The following TMEM209 variants were observed in gnomAD, a reference collection of about 807,000 sequenced individuals.
The protein encoded by TMEM209 is testicular tissue protein Li 202.
TMEM209 carries 65 observed loss-of-function variants against 76.2 expected under a neutral mutation model. The ratio of observed to expected loss-of-function variants is 0.85; its 90% confidence interval spans 0.70 to 1.05. The LOEUF is 1.05. Ranked by LOEUF, TMEM209 falls within the 50% of genes least tolerant of loss-of-function variation. TMEM209 has a pLI of 0.00. For synonymous variants in TMEM209, 239 were observed against 237.6 expected, an observed-to-expected ratio of 1.01 and a Z score of -0.06; for missense variants, 623 against 685.5, an observed-to-expected ratio of 0.91 and a Z score of 1.02.
intron 1 of TMEM209, chr7:130,205,117 TC>T (rs1798396984): frequency 2.1e-6 from 3 of 1,423,904 alleles, no homozygotes; most frequent in Non-Finnish European, 2.7e-6. Flanking sequence ...AGCAGTCGTA[TC>T]CCACAGAGGA....
Position 130,202,140 on chromosome 7 carries a change from T to C in TMEM209, c.332-49A>G, listed in dbSNP as rs796494677. ...TATGTGTATGTACCTTCAAATAAAA[T>C]TATACGAAAATATATTTAAGCAACT... On this transcript the variant is annotated intron_variant, in intron 4 of 14. Transcript: ENST00000397622. 19 of 1,544,974 alleles carry C rather than the reference T, an allele frequency of 1.2e-5. No individual in the cohort carries two copies. In the African/African-American group the frequency reaches 2.1e-4, roughly 17 times the overall value.
At chr7:130,186,081 T>C (rs970302087) in intron 6 of TMEM209, among the ~76,000 whole-genome samples, 1 of 152,178 alleles carries the variant, frequency 6.6e-6, no homozygotes, top group East Asian at 1.9e-4. Context: ...GCATCTAGCA[T>C]AGCGCCTGAA....
intron 9 of TMEM209, among the ~76,000 whole-genome samples, chr7:130,180,649 G>A (rs1273171546): frequency 1.3e-5 from 2 of 152,150 alleles, no homozygotes; most frequent in African/African-American, 4.8e-5. Flanking sequence ...GATTATAGGC[G>A]TGAGCCACCG....
Position 130,173,671 on chromosome 7 carries a change from A to C in TMEM209, c.1518T>G (p.Tyr506Ter), listed in dbSNP as rs1240784098. The change falls in exon 13 of 15, where the codon TAT becomes TAG. Residue 506 changes from tyrosine (Y) to a stop codon, truncating the protein, a stop_gained. Transcript: ENST00000397622. LOFTEE classifies it high-confidence loss of function. The part of the protein sequence containing the change: ...IYQSAINPPH[Y>*]ELIYQRHVYN... ...ATACATGACGCTGGTAGATGAGCTC[A>C]TAATGGGGAGGGTTGATAGCACTCT... 1 of 1,613,798 alleles carries C rather than the reference A, an allele frequency of 6.2e-7. No homozygotes were observed. The highest frequency in any genetic ancestry group is 8.5e-7 in the Non-Finnish European group (1 of 1,179,856).
At chr7:130,189,374 A>C (rs1029013258) in intron 6 of TMEM209, among the ~76,000 whole-genome samples, 6 of 152,050 alleles carry the variant, frequency 3.9e-5, no homozygotes, top group South Asian at 4.2e-4. Flanking sequence ...TTTTTAGTAG[A>C]GGTGGGGTTT....
chr7:130,189,330 G>A (rs1382334215), intron 6 of TMEM209, among the ~76,000 whole-genome samples: 2 of 152,096 alleles, frequency 1.3e-5, no homozygotes, highest in Non-Finnish European at 2.9e-5. Context: ...CAGAGTGGCT[G>A]GGATACAGGC....
chr7:130,181,711 A>G lies in TMEM209; in HGVS notation c.1032T>C (p.Asn344=), dbSNP rs189486222. 19,058 of 1,607,092 alleles carry G rather than the reference A, an allele frequency of 0.012. 162 individuals carry two copies. Among genetic ancestry groups the G allele is most frequent in the South Asian group, 0.022 (1,961 of 89,334 alleles). Residue 344 remains asparagine, a synonymous_variant, in exon 9 of 15, where the codon AAT becomes AAC. Coordinates refer to ENST00000397622, the MANE Select transcript of TMEM209 (RefSeq NM_032842.4). ...SWTAKFRNWI[N]ETILVPLVQE... The stretch of plus-strand genomic sequence containing the variant: ...GAACAAGTGGCACTAATATTGTCTC[A>G]TTGATCCACTAGAAGAAATAAGGTA...
chr7:130,175,661 AG>A (rs1797211551), intron 10 of TMEM209, 52 bp from the exon 11 acceptor site: 1 of 1,410,838 alleles, frequency 7.1e-7, no homozygotes, highest in African/African-American at 1.4e-5. Flanking sequence ...AAAAAAGAAA[AG>A]AAAAAAAAAG....
At chr7:130,170,363 A>T (rs754756706) in intron 14 of TMEM209, 37 bp downstream of exon 14, 38 of 1,539,268 alleles carry the variant, frequency 2.5e-5, no homozygotes, top group Non-Finnish European at 3.1e-5. Context: ...GAAAATCAGT[A>T]AATAACTACT....
Position 130,177,646 on chromosome 7 carries a change from C to T in TMEM209, c.1246+756G>A, listed in dbSNP as rs931694409. Among the ~76,000 whole-genome samples, 15 of 152,122 alleles carry T rather than the reference C, an allele frequency of 9.9e-5. No homozygotes were observed. The East Asian group carries it at 1.7e-3, about 18-fold the overall frequency. The stretch of plus-strand genomic sequence containing the variant: ...TCAAACAATACAGGAAGAAAGTGGA[C>T]GGGGTATGGATAGGGCAGGGTCTGG... On this transcript the variant is annotated intron_variant, in intron 10 of 14. Transcript: ENST00000397622.
chr7:130,204,144 G>A (rs1363342943), intron 1 of TMEM209, 34 bp from the exon 2 acceptor site: 2 of 1,580,664 alleles, frequency 1.3e-6, no homozygotes, highest in South Asian at 2.3e-5. Flanking sequence ...GAATTAACCA[G>A]AAGAAACTAT....
chr7:130,193,732 GATGA>G (rs534516880), intron 5 of TMEM209, among the ~76,000 whole-genome samples: 70 of 151,378 alleles, frequency 4.6e-4, no homozygotes, highest in Non-Finnish European at 8.6e-4. Flanking sequence ...TGGAGGAAAA[GATGA>G]ATGAATAAAT....
intron 5 of TMEM209, among the ~76,000 whole-genome samples, chr7:130,193,075 A>G (rs570667706): frequency 1.6e-4 from 24 of 152,330 alleles, no homozygotes; most frequent in Non-Finnish European, 3.1e-4. Flanking sequence ...ACGAACTAGT[A>G]ATTGTGCTCC....
At chr7:130,170,782 G>A (rs533798426) in intron 13 of TMEM209, among the ~76,000 whole-genome samples, 87 of 152,126 alleles carry the variant, frequency 5.7e-4, no homozygotes, top group African/African-American at 2.0e-3. Flanking sequence ...TGAAGATGCA[G>A]TGTCTGATTT....
intron 5 of TMEM209, among the ~76,000 whole-genome samples, chr7:130,193,250 A>T (rs921762978): frequency 4.6e-5 from 7 of 152,188 alleles, no homozygotes; most frequent in Non-Finnish European, 1.0e-4. Context: ...TAGCACTAAA[A>T]AGAAGTGAGC....
At chr7:130,200,090 CAG>C (rs1339915452) in intron 5 of TMEM209, 1 of 152,050 alleles carries the variant, frequency 6.6e-6, no homozygotes, top group South Asian at 2.1e-4. Context: ...AATTTAAAAA[CAG>C]AGCAAACCAC....
At chr7:130,173,237 G>A (rs947745203) in intron 13 of TMEM209, among the ~76,000 whole-genome samples, 1 of 152,018 alleles carries the variant, frequency 6.6e-6, no homozygotes, top group African/African-American at 2.4e-5. Flanking sequence ...AGCTACTTGG[G>A]AGGCTGAGGT....
chr7:130,190,648 C>A (rs1461346777), intron 6 of TMEM209, among the ~76,000 whole-genome samples: 1 of 150,344 alleles, frequency 6.7e-6, no homozygotes, highest in Non-Finnish European at 1.5e-5. Flanking sequence ...CCATGACAAC[C>A]AACATAGTAA....
At chr7:130,191,794 T>A (rs2117012636) in intron 6 of TMEM209, among the ~76,000 whole-genome samples, 1 of 152,324 alleles carries the variant, frequency 6.6e-6, no homozygotes, top group Non-Finnish European at 1.5e-5. Context: ...GATACATAGG[T>A]TCTTTGTATT....
Sources: gnomAD v4.1 joint callset for allele counts (sites outside exome capture counted in the v4.1 genomes callset) on GRCh38, gnomAD v4.1.1 for gene constraint, MANE v1.5 for transcripts, NCBI Gene and HGNC (gene_info 2026-07-23, HGNC 2026-07-21) for gene names.